CREB1: variants seen among roughly 807,000 people sequenced by gnomAD.
The protein encoded by CREB1 is cAMP responsive element binding protein 1, also known as cyclic AMP-responsive element-binding protein 1.
Under a neutral mutation model 42.0 loss-of-function variants are expected in CREB1, and 2 were observed. That is an observed-to-expected ratio of 0.05 (90% confidence interval 0.02 to 0.15). CREB1 has a LOEUF of 0.15. CREB1 is among the 10% of genes least tolerant of loss of function. The pLI, the probability that CREB1 is intolerant of heterozygous loss-of-function variation, is 1.00. For synonymous variants in CREB1, 123 were observed against 139.9 expected (o/e 0.88, Z 0.85); for missense variants, 199 against 388.9 (o/e 0.51, Z 4.11).
At chr2:207,533,103 G>C (rs1273978710) in intron 1 of CREB1, among the ~76,000 whole-genome samples, 3 of 147,682 alleles carry the variant, frequency 2.0e-5, no homozygotes, top group Admixed American at 6.7e-5. Context: ...TTTTTTTCAT[G>C]AACACCTACA....
chr2:207,538,455 C>T (rs2080963497), intron 1 of CREB1, among the ~76,000 whole-genome samples: 1 of 151,772 alleles, frequency 6.6e-6, no homozygotes, highest in South Asian at 2.1e-4. Flanking sequence ...GTTGCCTTTT[C>T]TTAGAGTTGA....
chr2:207,531,877 C>T (rs1462387811), intron 1 of CREB1, among the ~76,000 whole-genome samples: 2 of 152,194 alleles, frequency 1.3e-5, no homozygotes, highest in Non-Finnish European at 2.9e-5. Flanking sequence ...TAAAAGACCA[C>T]ATTGGCAATT....
At chr2:207,554,222 CAG>C (rs1453175663) in intron 1 of CREB1, among the ~76,000 whole-genome samples, 3 of 152,128 alleles carry the variant, frequency 2.0e-5, no homozygotes, top group Admixed American at 2.0e-4. Flanking sequence ...TTCATTTCTA[CAG>C]AGTTATTTTC....
At chr2:207,556,605 A>T (rs2106459425) in intron 2 of CREB1, among the ~76,000 whole-genome samples, 1 of 152,360 alleles carries the variant, frequency 6.6e-6, no homozygotes, top group East Asian at 1.9e-4. Context: ...AGTGTGAGCC[A>T]GATACTGGAT....
intron 5 of CREB1, 115 bp from the exon 6 acceptor site, chr2:207,575,157 G>A (rs888724495): frequency 9.3e-6 from 10 of 1,078,608 alleles, no homozygotes; most frequent in African/African-American, 7.8e-5. Flanking sequence ...TCTTGGTGAT[G>A]TTATTTGCTG....
At chr2:207,553,021 ATTTTC>A (rs2081574676) in intron 1 of CREB1, among the ~76,000 whole-genome samples, 1 of 136,052 alleles carries the variant, frequency 7.4e-6, no homozygotes, top group Non-Finnish European at 1.6e-5. Flanking sequence ...TTTATATGCC[ATTTTC>A]TTCAAGATGA....
In CREB1 at chr2:207,572,225, C is replaced by CAA. The variant is rs35000643; in HGVS notation, c.505+1921_505+1922dup. Among the ~76,000 whole-genome samples the CAA allele has an allele frequency of 8.8e-3, 864 of 98,734 alleles. 6 individuals are homozygous for CAA. The highest frequency in any genetic ancestry group is 0.011 in the Non-Finnish European group (540 of 50,542). 64.8% of individuals were successfully genotyped at this position (98,734 alleles called of 152,430 possible). ...TGGGTGGCAGAGCAAGATTCCGTCT[C>CAA]AAAAAAAAAAAAAAAAAAGAGAGAT... is the stretch of plus-strand genomic sequence containing the variant. On this transcript the variant is annotated intron_variant, in intron 5 of 7. Coordinates refer to ENST00000353267, the MANE Select transcript of CREB1 (RefSeq NM_004379.5).
chr2:207,537,651 T>A (rs529045529), intron 1 of CREB1, among the ~76,000 whole-genome samples: 1 of 152,378 alleles, frequency 6.6e-6, no homozygotes, highest in South Asian at 2.1e-4. Flanking sequence ...TTATCACATC[T>A]GTAAATGTAG....
At chr2:207,560,186 T>C (rs761724759) in intron 2 of CREB1, 40 bp from the exon 3 acceptor site, 2 of 1,509,842 alleles carry the variant, frequency 1.3e-6, no homozygotes, top group South Asian at 1.3e-5. Flanking sequence ...TGCCAAAGAG[T>C]GTCTGGGATG....
In CREB1 at chr2:207,602,763, G is replaced by A. The variant is rs996186317; in HGVS notation, c.*5705G>A. ...TAATAAAATTATTTATATTAAAAGT[G>A]GGAAATAATTGTCAACATTTTTTTT... On this transcript the variant is annotated 3_prime_UTR_variant, in exon 8 of 8. Coordinates refer to ENST00000353267, the MANE Select transcript of CREB1 (RefSeq NM_004379.5). 4 of 213,442 alleles carry A rather than the reference G, an allele frequency of 1.9e-5. No individual in the cohort carries two copies. The highest frequency in any genetic ancestry group is 9.0e-5 in the African/African-American group (4 of 44,242). The allele number at this position is 213,442 out of a possible 1,614,324, so 13.2% of individuals were successfully genotyped here. A position where few individuals can be genotyped will look rare whatever the true frequency, so the allele number is the denominator to read the frequency against.
chr2:207,532,977 TC>T (rs2080713241), intron 1 of CREB1, among the ~76,000 whole-genome samples: 3 of 152,262 alleles, frequency 2.0e-5, no homozygotes, highest in African/African-American at 4.8e-5. Context: ...AGGTGAAACT[TC>T]AAACTTGTAT....
At chr2:207,558,932 A>G (rs2081847114) in intron 2 of CREB1, among the ~76,000 whole-genome samples, 1 of 152,116 alleles carries the variant, frequency 6.6e-6, no homozygotes, top group Non-Finnish European at 1.5e-5. Context: ...CGTGAGCCAC[A>G]TTGCCCGGCC....
intron 5 of CREB1, among the ~76,000 whole-genome samples, chr2:207,570,950 A>G (rs917295685): frequency 7.1e-6 from 1 of 140,512 alleles, no homozygotes. Context: ...AAAATCTGTT[A>G]TAAGACACTT....
chr2:207,561,862 C>T (rs1258732857), intron 3 of CREB1, among the ~76,000 whole-genome samples: 3 of 152,110 alleles, frequency 2.0e-5, no homozygotes, highest in African/African-American at 7.2e-5. Context: ...ATTGAGTCAT[C>T]GAACTTCTAT....
chr2:207,578,298 TAAA>T (rs2082673442), intron 7 of CREB1, among the ~76,000 whole-genome samples: 1 of 152,038 alleles, frequency 6.6e-6, no homozygotes, highest in South Asian at 2.1e-4. Context: ...TCAAAAACAA[TAAA>T]AATAAGTTAC....
chr2:207,556,156 A>T (rs2081711207), intron 2 of CREB1, among the ~76,000 whole-genome samples: 1 of 152,216 alleles, frequency 6.6e-6, no homozygotes, highest in Non-Finnish European at 1.5e-5. Context: ...ACTAAAAATT[A>T]GGATAAGCAA....
chr2:207,531,193 T>C (rs1422067559), intron 1 of CREB1, among the ~76,000 whole-genome samples: 1 of 152,188 alleles, frequency 6.6e-6, no homozygotes, highest in Non-Finnish European at 1.5e-5. Flanking sequence ...CGATGTACTC[T>C]TGTTTTACAT....
intron 1 of CREB1, among the ~76,000 whole-genome samples, chr2:207,536,381 C>G (rs994522104): frequency 4.0e-5 from 6 of 151,554 alleles, no homozygotes; most frequent in Admixed American, 6.6e-5. Context: ...ATGGTGAAAC[C>G]CCGTCTCTAC....
intron 7 of CREB1, among the ~76,000 whole-genome samples, chr2:207,583,045 C>G (rs977152765): frequency 6.6e-6 from 1 of 151,740 alleles, no homozygotes; most frequent in African/African-American, 2.4e-5. Context: ...AACAATATAA[C>G]AATTTTTTAA....
Sources: allele counts gnomAD v4.1 joint callset (sites outside exome capture counted in the v4.1 genomes callset), GRCh38; gene constraint gnomAD v4.1.1; transcripts MANE v1.5; gene names NCBI Gene and HGNC (gene_info 2026-07-23, HGNC 2026-07-21).